Variants in APLF observed in about 807,000 individuals in gnomAD.
APLF encodes the protein aprataxin and PNKP like factor.
A neutral mutation model predicts 55.6 loss-of-function variants in APLF; 61 were observed. The ratio of observed to expected loss-of-function variants is 1.10; its 90% CI spans 0.89 to 1.36. The LOEUF (loss-of-function observed/expected upper bound fraction) is 1.36. Ranked by LOEUF, APLF falls within the 40% of genes most tolerant of loss-of-function variation. APLF has a pLI of 0.00. For synonymous variants in APLF, 207 were observed against 214.8 expected (o/e 0.96, Z 0.32); for missense variants, 611 against 602.5 (o/e 1.01, Z -0.15).
intron 5 of APLF, chr2:68,515,456 T>C (rs1454315709): frequency 2.2e-6 from 1 of 451,160 alleles, no homozygotes; most frequent in Non-Finnish European, 2.9e-6. Flanking sequence ...TGGACCAATG[T>C]GAGCTGGTCC....
intron 3 of APLF, among the ~76,000 whole-genome samples, chr2:68,504,374 A>G (rs1027042946): frequency 2.0e-5 from 3 of 151,940 alleles, no homozygotes; most frequent in South Asian, 2.1e-4. Context: ...CTACAGACCA[A>G]TATTCCTCAT....
In APLF at chr2:68,579,734, C is replaced by T. The variant is rs7572207; in HGVS notation, c.*1712C>T. 838 of 156,702 alleles carry T rather than the reference C, an allele frequency of 5.3e-3. 4 individuals carry two copies. The highest frequency in any genetic ancestry group is 0.019 in the African/African-American group (800 of 41,640). The allele number at this position is 156,702 out of a possible 1,614,324, so 9.7% of individuals were successfully genotyped here. A position where few individuals can be genotyped will look rare whatever the true frequency, so the allele number is the denominator to read the frequency against. On this transcript the variant is annotated 3_prime_UTR_variant, in exon 10 of 10. Transcript: ENST00000303795. ...ACTCATTTATATGAAATTTCCAAAACAGGCAAATCCATAAAGACAGAAAGC... is the reference window on the plus strand; with the variant it reads ...ACTCATTTATATGAAATTTCCAAAATAGGCAAATCCATAAAGACAGAAAGC...
At chr2:68,555,223 G>A (rs552971560) in intron 8 of APLF, among the ~76,000 whole-genome samples, 1 of 151,984 alleles carries the variant, frequency 6.6e-6, no homozygotes, top group African/African-American at 2.4e-5. Flanking sequence ...GACAAAACTG[G>A]AAAAACCCTT....
In APLF at chr2:68,493,936, G is replaced by A. The variant is rs1383077948; in HGVS notation, c.168+3675G>A. 8.5e-5 allele frequency among the ~76,000 whole-genome samples: 13 copies of A among 152,064 alleles called. No individual in the cohort carries two copies. The South Asian group carries it at 2.1e-3, about 24-fold the overall frequency. On this transcript the variant is annotated intron_variant, in intron 2 of 9. Transcript: ENST00000303795. ...ATCCTGGCTAACATGGTGAAACCCC[G>A]TCTCTACTAAAAATACAAGAAATTA... is the stretch of plus-strand genomic sequence containing the variant.
intron 8 of APLF, among the ~76,000 whole-genome samples, chr2:68,552,942 T>A (rs965470253): frequency 1.3e-5 from 2 of 152,164 alleles, no homozygotes; most frequent in African/African-American, 4.8e-5. Flanking sequence ...TAATTTTAAT[T>A]ACAGTTCAGA....
chr2:68,483,183 G>C (rs1411353012), intron 1 of APLF, among the ~76,000 whole-genome samples: 1 of 152,174 alleles, frequency 6.6e-6, no homozygotes, highest in African/African-American at 2.4e-5. Context: ...GGTCATGCAA[G>C]GGTGGGGAGC....
At chr2:68,502,299 G>T (rs1676745884) in intron 2 of APLF, among the ~76,000 whole-genome samples, 1 of 152,124 alleles carries the variant, frequency 6.6e-6, no homozygotes, top group Non-Finnish European at 1.5e-5. Flanking sequence ...AAATTAGTAG[G>T]AGAAAATAAA....
rs192760361 is a variant in APLF, at chr2:68,553,276, A to G, written c.1286+7964A>G. Reference sequence around the variant, plus strand: ...ACTTTGAAGAAATCATAAATTTTCCAGGTCAGCAAAATAATAGAAATCCTT... The same window carrying G: ...ACTTTGAAGAAATCATAAATTTTCCGGGTCAGCAAAATAATAGAAATCCTT... On this transcript the variant is annotated intron_variant, in intron 8 of 9. Transcript: ENST00000303795. Among the ~76,000 whole-genome samples, 28 of 152,274 alleles carry G rather than the reference A, an allele frequency of 1.8e-4. No individual in the cohort carries two copies. The East Asian group carries it at 4.8e-3, about 26-fold the overall frequency.
chr2:68,491,010 T>C (rs1304585665), intron 2 of APLF, among the ~76,000 whole-genome samples: 1 of 152,240 alleles, frequency 6.6e-6, no homozygotes, highest in Admixed American at 6.5e-5. Flanking sequence ...ATTAGTTCTT[T>C]CTTTTACACA....
chr2:68,482,348 C>T (rs1675986413), intron 1 of APLF, among the ~76,000 whole-genome samples: 1 of 152,138 alleles, frequency 6.6e-6, no homozygotes, highest in Admixed American at 6.5e-5. Flanking sequence ...GCAGTTTCCT[C>T]AGCTGTAACC....
At chr2:68,534,467 C>A (rs1378117445) in intron 6 of APLF, among the ~76,000 whole-genome samples, 1 of 152,102 alleles carries the variant, frequency 6.6e-6, no homozygotes, top group Non-Finnish European at 1.5e-5. Flanking sequence ...GGTGGAAGTT[C>A]TTTATCTTGT....
chr2:68,554,082 T>A (rs1256812483), intron 8 of APLF, among the ~76,000 whole-genome samples: 1 of 152,042 alleles, frequency 6.6e-6, no homozygotes, highest in Non-Finnish European at 1.5e-5. Flanking sequence ...CCAAGTATTG[T>A]CTTATAGGTT....
chr2:68,469,192 C>G lies in APLF; in HGVS notation c.96+1365C>G, dbSNP rs547581188. Reference sequence around the variant, plus strand: ...CTATACAAACACTGGAAGGAACTGTCTGGAGGCTTTATTTTTCTTTTAAAT... The same window carrying G: ...CTATACAAACACTGGAAGGAACTGTGTGGAGGCTTTATTTTTCTTTTAAAT... On this transcript the variant is annotated intron_variant, in intron 1 of 9. Coordinates refer to ENST00000303795, the MANE Select transcript of APLF (RefSeq NM_173545.3). Among the ~76,000 whole-genome samples the G allele has an allele frequency of 3.9e-5, 6 of 152,116 alleles. No homozygotes were observed. The East Asian group carries it at 9.7e-4, about 24-fold the overall frequency.
intron 2 of APLF, among the ~76,000 whole-genome samples, chr2:68,496,933 C>T (rs1247969831): frequency 6.6e-6 from 1 of 152,226 alleles, no homozygotes; most frequent in Non-Finnish European, 1.5e-5. Flanking sequence ...GTCTTCTTCT[C>T]AGCCTTCCAA....
chr2:68,487,793 G>A (rs889324334), intron 1 of APLF, among the ~76,000 whole-genome samples: 5 of 152,012 alleles, frequency 3.3e-5, no homozygotes, highest in Non-Finnish European at 5.9e-5. Context: ...AGTGCAAATG[G>A]TTATTTTATT....
intron 5 of APLF, among the ~76,000 whole-genome samples, chr2:68,518,395 T>C (rs1669722802): frequency 1.0e-5 from 1 of 100,200 alleles, no homozygotes; most frequent in Non-Finnish European, 1.7e-5. Flanking sequence ...ATTATTAATA[T>C]ATAACAATAT....
intron 5 of APLF, among the ~76,000 whole-genome samples, chr2:68,524,199 T>C (rs1026333741): frequency 6.6e-6 from 1 of 152,208 alleles, no homozygotes; most frequent in African/African-American, 2.4e-5. Flanking sequence ...TATTAAGTCC[T>C]GTTTATGACA....
intron 3 of APLF, among the ~76,000 whole-genome samples, chr2:68,508,962 A>C (rs369096584): frequency 6.6e-6 from 1 of 151,918 alleles, no homozygotes; most frequent in African/African-American, 2.4e-5. Flanking sequence ...CAAAAACAAG[A>C]AATGGGGAAA....
At chr2:68,520,880 T>C (rs1234971170) in intron 5 of APLF, among the ~76,000 whole-genome samples, 1 of 151,838 alleles carries the variant, frequency 6.6e-6, no homozygotes, top group Non-Finnish European at 1.5e-5. Context: ...TGATGAGAAT[T>C]TCATTGAATT....
Sources: gnomAD v4.1 joint callset for allele counts (sites outside exome capture counted in the v4.1 genomes callset) on GRCh38, gnomAD v4.1.1 for gene constraint, MANE v1.5 for transcripts, NCBI Gene and HGNC (gene_info 2026-07-23, HGNC 2026-07-21) for gene names.